Variants in RHOBTB1 observed in about 807,000 individuals in gnomAD.
RHOBTB1 encodes the protein rho-related BTB domain-containing protein 1.
In RHOBTB1, 40 loss-of-function variants were observed where a neutral mutation model predicts 71.6. The observed-to-expected ratio is 0.56, with a 90% CI of 0.43 to 0.73. RHOBTB1 has a LOEUF of 0.73. Among genes scored for constraint, RHOBTB1 ranks in the 30% least tolerant of loss-of-function variants. The pLI is 0.00. For synonymous variants in RHOBTB1, 319 were observed against 334.9 expected (o/e 0.95, Z 0.52); for missense variants, 797 against 894.0 (o/e 0.89, Z 1.38).
intron 2 of RHOBTB1, among the ~76,000 whole-genome samples, chr10:60,965,002 T>C (rs1043895327): frequency 1.3e-5 from 2 of 152,084 alleles, no homozygotes; most frequent in South Asian, 4.1e-4. Context: ...ATAAACCCTC[T>C]GCCTTTGGGA....
rs925492160 is a variant in RHOBTB1 at position 60,986,432 on chromosome 10, A to T, written c.-162-487T>A. 8.1e-4 allele frequency among the ~76,000 whole-genome samples: 60 copies of T among 74,308 alleles called. 1 individual carries two copies. Among genetic ancestry groups the T allele is most frequent in the Non-Finnish European group, 1.1e-3 (40 of 35,078 alleles). The allele number at this position is 74,308 out of a possible 152,430, so 48.7% of individuals were successfully genotyped here. A position where few individuals can be genotyped will look rare whatever the true frequency, so the allele number is the denominator to read the frequency against. ...ATATATATATATATATATATATATAAAATATATATAGGCCATATATACTGG... is the reference window on the plus strand; with the variant it reads ...ATATATATATATATATATATATATATAATATATATAGGCCATATATACTGG... On this transcript the variant is annotated intron_variant, in intron 1 of 11. Transcript: ENST00000357917.
At chr10:60,944,831 C>T (rs2085149212), upstream of RHOBTB1, among the ~76,000 whole-genome samples, 9 of 152,216 alleles carry the variant, frequency 5.9e-5, no homozygotes, top group Admixed American at 5.2e-4. Context: ...TTACCTTCCT[C>T]CGCGACTTGG....
rs147417532 is a variant in RHOBTB1 at position 60,886,209 on chromosome 10, T to C, written c.1478A>G (p.Asp493Gly). ...CGGCTTGTGGGCACTGATGGCTCCATCGTCCAATTTAAATGTCACGTCTGC... is the reference window on the plus strand; with the variant it reads ...CGGCTTGTGGGCACTGATGGCTCCACCGTCCAATTTAAATGTCACGTCTGC... Reference protein sequence around the residue: ...TFSDVTFKLDDGAISAHKPLL... With the variant: ...TFSDVTFKLDGGAISAHKPLL... The change falls in exon 7 of 11, where the codon GAT becomes GGT. Residue 493 changes from aspartate to glycine, a missense_variant. Around this residue, in one of 2 missense-constraint regions of RHOBTB1, gnomAD observed 658 missense variants for 681.5 expected, o/e 0.97. Transcript: ENST00000337910. 1.1e-5 allele frequency: 18 copies of C among 1,613,828 alleles called. No individual in the cohort carries two copies. In the African/African-American group the frequency reaches 2.1e-4, roughly 19 times the overall value.
At chr10:60,889,246 G>A (rs2081790181) in intron 5 of RHOBTB1, 61 bp from the exon 6 acceptor site, 1 of 1,499,472 alleles carries the variant, frequency 6.7e-7, no homozygotes, top group Admixed American at 2.1e-5. Context: ...ACAGTAACAA[G>A]GGCCTATCTA....
intron 1 of RHOBTB1, among the ~76,000 whole-genome samples, chr10:60,990,667 T>C (rs1264257035): frequency 1.3e-5 from 2 of 152,214 alleles, no homozygotes; most frequent in African/African-American, 2.4e-5. Context: ...TTTCCTTCTG[T>C]TTCTTTTGCT....
At chr10:60,882,038 A>AT (rs1344234463) in intron 7 of RHOBTB1, among the ~76,000 whole-genome samples, 2 of 152,156 alleles carry the variant, frequency 1.3e-5, no homozygotes, top group Non-Finnish European at 2.9e-5. Flanking sequence ...CTCATGGCTG[A>AT]TTTTTTAAAA....
chr10:60,872,753 C>T (rs908752251), intron 9 of RHOBTB1, among the ~76,000 whole-genome samples: 3 of 152,178 alleles, frequency 2.0e-5, no homozygotes, highest in Non-Finnish European at 4.4e-5. Context: ...TGTGACTGTC[C>T]TATACCTCTC....
chr10:60,862,214 T>C, the RHOBTB1 span, among the ~76,000 whole-genome samples: 2 of 151,976 alleles, frequency 1.3e-5, no homozygotes, highest in Non-Finnish European at 2.9e-5. Context: ...TTTCTTTTTA[T>C]TGAGATGGAG....
At chr10:60,956,412 C>A (rs1328012783) in intron 2 of RHOBTB1, among the ~76,000 whole-genome samples, 1 of 152,160 alleles carries the variant, frequency 6.6e-6, no homozygotes, top group African/African-American at 2.4e-5. Flanking sequence ...TTTATAAACA[C>A]TGTACTCTCA....
intron 2 of RHOBTB1, among the ~76,000 whole-genome samples, chr10:60,977,034 T>C (rs886529714): frequency 6.6e-6 from 1 of 151,996 alleles, no homozygotes; most frequent in African/African-American, 2.4e-5. Flanking sequence ...AGTCTTGAGA[T>C]CTGTAAATGA....
chr10:60,953,767 AATG>A (rs2085491432), intron 2 of RHOBTB1, among the ~76,000 whole-genome samples: 1 of 152,022 alleles, frequency 6.6e-6, no homozygotes, highest in African/African-American at 2.4e-5. Context: ...TGAGGTGGCT[AATG>A]ATGAAAAAAA....
intron 2 of RHOBTB1, among the ~76,000 whole-genome samples, chr10:60,954,408 A>T (rs1319705261): frequency 1.3e-5 from 2 of 152,256 alleles, no homozygotes; most frequent in African/African-American, 2.4e-5. Context: ...TTAAAAACAT[A>T]TTCAATGAGC....
At position 60,878,072 on chromosome 10, in the gene RHOBTB1, C is replaced by CA. The variant is rs755012822; in HGVS notation, c.1576-15dup. 1 of 1,605,052 alleles carries CA rather than the reference C, an allele frequency of 6.2e-7. No homozygotes were observed. Among genetic ancestry groups the CA allele is most frequent in the Non-Finnish European group, 8.5e-7 (1 of 1,175,726 alleles). On this transcript the variant is annotated splice_polypyrimidine_tract_variant and intron_variant, in intron 7 of 10. Coordinates refer to ENST00000337910, the MANE Select transcript of RHOBTB1 (RefSeq NM_014836.5). ...CGGGAGATACACCTGAAATGTTATA[C>CA]AAAAAGCTAAATTCTGCTGCAGAAA...
At chr10:60,929,674 C>A (rs748706439) in intron 2 of RHOBTB1, among the ~76,000 whole-genome samples, 5 of 151,946 alleles carry the variant, frequency 3.3e-5, no homozygotes, top group Non-Finnish European at 5.9e-5. Context: ...AAGGCCAATT[C>A]ATAATAGAAG....
chr10:60,897,750 A>AGGCTG (rs1214453460), intron 4 of RHOBTB1, among the ~76,000 whole-genome samples: 1 of 152,124 alleles, frequency 6.6e-6, no homozygotes, highest in Non-Finnish European at 1.5e-5. Flanking sequence ...TCTGTTGCCC[A>AGGCTG]GGCTGGAGTG....
At chr10:60,972,365 A>T (rs1052458066) in intron 2 of RHOBTB1, among the ~76,000 whole-genome samples, 1 of 152,168 alleles carries the variant, frequency 6.6e-6, no homozygotes, top group Non-Finnish European at 1.5e-5. Flanking sequence ...CATAAAAAGG[A>T]TGAGTTCCTG....
chr10:60,894,213 G>T (rs1189678704), intron 4 of RHOBTB1, among the ~76,000 whole-genome samples: 2 of 151,948 alleles, frequency 1.3e-5, no homozygotes, highest in Admixed American at 1.3e-4. Context: ...AAAACTGCAG[G>T]GTGCTTACAT....
At chr10:60,885,814 T>C (rs2081541245) in intron 7 of RHOBTB1, among the ~76,000 whole-genome samples, 1 of 152,164 alleles carries the variant, frequency 6.6e-6, no homozygotes, top group Non-Finnish European at 1.5e-5. Flanking sequence ...CTTGTCTTCA[T>C]GGATGAGGAC....
intron 2 of RHOBTB1, among the ~76,000 whole-genome samples, chr10:60,980,180 TGCATTA>T (rs1367086031): frequency 6.6e-6 from 1 of 152,200 alleles, no homozygotes; most frequent in Admixed American, 6.5e-5. Flanking sequence ...CTCTCCGCTT[TGCATTA>T]GCTTAATGAA....
Sources: gnomAD v4.1 joint callset for allele counts (sites outside exome capture counted in the v4.1 genomes callset) on GRCh38, gnomAD v4.1.1 for gene constraint, gnomAD v4.1.1 regional missense constraint, MANE v1.5 for transcripts, NCBI Gene and HGNC (gene_info 2026-07-23, HGNC 2026-07-21) for gene names.